The following PPA2 variants were observed in gnomAD, a reference collection of about 807,000 sequenced individuals.
PPA2 encodes the protein inorganic pyrophosphatase 2, mitochondrial.
In PPA2, 48 loss-of-function variants were observed where a neutral mutation model predicts 49.5. The observed-to-expected ratio is 0.97, with a 90% CI of 0.77 to 1.23. The LOEUF is 1.23. PPA2 is among the 50% of genes most tolerant of loss of function. The pLI is 0.00. For missense variants in PPA2, 429 were observed against 410.1 expected (o/e 1.05, Z -0.40); for synonymous variants, 131 against 139.9 (o/e 0.94, Z 0.45).
chr4:105,422,911 CT>C (rs1480162963), intron 7 of PPA2, among the ~76,000 whole-genome samples: 1 of 152,182 alleles, frequency 6.6e-6, no homozygotes, highest in Non-Finnish European at 1.5e-5. Context: ...AGTTTCATGA[CT>C]TTAGTGTAGC....
chr4:105,445,269 G>C (rs1254987978), intron 5 of PPA2, among the ~76,000 whole-genome samples: 1 of 152,114 alleles, frequency 6.6e-6, no homozygotes, highest in African/African-American at 2.4e-5. Context: ...CCTACAGGCT[G>C]CATCCCCTAA....
intron 9 of PPA2, among the ~76,000 whole-genome samples, chr4:105,395,331 G>C (rs1734093663): frequency 6.9e-6 from 1 of 145,734 alleles, no homozygotes; most frequent in African/African-American, 2.4e-5. Context: ...ACTGTGCTCA[G>C]AGAGCACAGG....
At chr4:105,460,401 T>C (rs1723036559) in intron 1 of PPA2, among the ~76,000 whole-genome samples, 1 of 151,980 alleles carries the variant, frequency 6.6e-6, no homozygotes, top group African/African-American at 2.4e-5. Flanking sequence ...CCATTTTACA[T>C]CAGGGACTGG....
chr4:105,370,446 C>A (rs1009188942), intron 11 of PPA2: 17 of 253,638 alleles, frequency 6.7e-5, no homozygotes, highest in South Asian at 1.5e-4. Flanking sequence ...ATTTTTAATT[C>A]TATAACTATA....
chr4:105,387,262 T>C (rs939856888), intron 9 of PPA2, among the ~76,000 whole-genome samples: 3 of 152,102 alleles, frequency 2.0e-5, no homozygotes, highest in African/African-American at 7.2e-5. Context: ...AAAGCATCAT[T>C]CCTCTGAAAC....
intron 6 of PPA2, among the ~76,000 whole-genome samples, chr4:105,434,746 G>A (rs187492283): frequency 1.5e-3 from 234 of 152,200 alleles, no homozygotes; most frequent in Non-Finnish European, 2.9e-3. Flanking sequence ...AAGCAAGCAA[G>A]GAAGCATGCC....
Position 105,371,941 on chromosome 4 carries a change from T to G in PPA2, c.940-1068A>C, listed in dbSNP as rs576522707. ...CCCTATTCCAGGCTCCTTTCTGTAT[T>G]TCAAGGGCCTCATCTGCACATGGGT... On this transcript the variant is annotated intron_variant, in intron 10 of 11. Transcript: ENST00000341695. 9.1e-4 allele frequency among the ~76,000 whole-genome samples: 139 copies of G among 152,266 alleles called. 3 individuals are homozygous for G. Among genetic ancestry groups the G allele is most frequent in the African/African-American group, 3.3e-3 (139 of 41,546 alleles).
At chr4:105,464,650 GTCTTGT>G (rs1723228385) in intron 1 of PPA2, among the ~76,000 whole-genome samples, 1 of 152,150 alleles carries the variant, frequency 6.6e-6, no homozygotes, top group East Asian at 1.9e-4. Flanking sequence ...ATGGGGGCAA[GTCTTGT>G]TCTTGTGACA....
chr4:105,389,786 A>T (rs1183825632), intron 9 of PPA2, among the ~76,000 whole-genome samples: 1 of 152,226 alleles, frequency 6.6e-6, no homozygotes, highest in East Asian at 1.9e-4. Flanking sequence ...AAGGCTTTTC[A>T]TTCTAAATCA....
At chr4:105,439,000 A>C (rs1315065042) in intron 5 of PPA2, among the ~76,000 whole-genome samples, 1 of 152,072 alleles carries the variant, frequency 6.6e-6, no homozygotes, top group Admixed American at 6.5e-5. Context: ...AACCTGGCCT[A>C]ACTTTATCTT....
At chr4:105,397,653 G>A (rs1734203088) in intron 8 of PPA2, among the ~76,000 whole-genome samples, 1 of 152,088 alleles carries the variant, frequency 6.6e-6, no homozygotes, top group Non-Finnish European at 1.5e-5. Context: ...TAATGGGGGT[G>A]GATCCCTCAT....
chr4:105,402,373 T>C (rs763300487), intron 7 of PPA2, among the ~76,000 whole-genome samples: 1 of 152,196 alleles, frequency 6.6e-6, no homozygotes, highest in Non-Finnish European at 1.5e-5. Context: ...AAGAGAATTG[T>C]AGATATGAGA....
Position 105,396,255 on chromosome 4 carries a change from A to G in PPA2, c.863T>C (p.Ile288Thr), listed in dbSNP as rs755961270. The G allele has an allele frequency of 1.3e-6, 2 of 1,568,630 alleles. No homozygotes were observed. Among genetic ancestry groups the G allele is most frequent in the Non-Finnish European group, 1.7e-6 (2 of 1,152,624 alleles). The change falls in exon 9 of 12, where the codon ATA becomes ACA. Residue 288 changes from isoleucine to threonine, a missense_variant. Coordinates refer to ENST00000341695, the MANE Select transcript of PPA2 (RefSeq NM_176869.3). ...AGAAAAGACAAATTCTTACCAATTT[A>G]TAGCTCCTCCATTACACTTCTTCAT... ...LLMKKCNGGA[I>T]NCTNVQISDS...
chr4:105,402,225 A>T (rs972880464), intron 7 of PPA2, among the ~76,000 whole-genome samples: 1 of 152,008 alleles, frequency 6.6e-6, no homozygotes, highest in Admixed American at 6.6e-5. Context: ...TGGGCAACAT[A>T]GTGAGACCCC....
chr4:105,446,147 G>C, intron 5 of PPA2: 1 of 350,362 alleles, frequency 2.9e-6, no homozygotes, highest in Non-Finnish European at 5.1e-6. Context: ...TATTCAAAAT[G>C]TCAAATGTGA....
Position 105,443,899 on chromosome 4 carries a change from T to C in PPA2, c.441+2484A>G, listed in dbSNP as rs551017174. On this transcript the variant is annotated intron_variant, in intron 5 of 11. Coordinates refer to ENST00000341695, the MANE Select transcript of PPA2 (RefSeq NM_176869.3). ...TGTTCCCTCACTTCCTTTAGATCTT[T>C]ACTCAAATAACACCTTTTCACTGAG... Among the ~76,000 whole-genome samples, 5 of 152,302 alleles carry C rather than the reference T, an allele frequency of 3.3e-5. No individual in the cohort carries two copies. The South Asian group carries it at 1.0e-3, about 32-fold the overall frequency.
chr4:105,402,571 A>T (rs1227360275), intron 7 of PPA2, among the ~76,000 whole-genome samples: 1 of 152,208 alleles, frequency 6.6e-6, no homozygotes, highest in Non-Finnish European at 1.5e-5. Context: ...GAGCACAGTG[A>T]AAAAACAGAA....
intron 6 of PPA2, among the ~76,000 whole-genome samples, chr4:105,436,072 A>G (rs1186806632): frequency 6.6e-6 from 1 of 152,180 alleles, no homozygotes; most frequent in Non-Finnish European, 1.5e-5. Flanking sequence ...AGGCTCCTCC[A>G]AAAGACTCCT....
At chr4:105,419,549 TA>T (rs1432725908) in intron 7 of PPA2, among the ~76,000 whole-genome samples, 1 of 152,196 alleles carries the variant, frequency 6.6e-6, no homozygotes, top group Non-Finnish European at 1.5e-5. Flanking sequence ...CTAGAAGACT[TA>T]AAACAGTAAT....
Sources: allele counts gnomAD v4.1 joint callset (sites outside exome capture counted in the v4.1 genomes callset), GRCh38; gene constraint gnomAD v4.1.1; transcripts MANE v1.5; gene names NCBI Gene and HGNC (gene_info 2026-07-23, HGNC 2026-07-21).